The following TBC1D22A variants were observed in gnomAD, a reference collection of about 807,000 sequenced individuals.
TBC1D22A encodes putative GTPase activator.
TBC1D22A carries 38 observed loss-of-function variants against 60.2 expected under a neutral mutation model. The observed-to-expected ratio is 0.63, with a 90% CI of 0.49 to 0.83. TBC1D22A has a LOEUF of 0.83. TBC1D22A is among the 40% of genes least tolerant of loss of function. TBC1D22A has a pLI of 0.00. For synonymous variants in TBC1D22A, 302 were observed against 281.7 expected (o/e 1.07, Z -0.72); for missense variants, 628 against 701.0 (o/e 0.90, Z 1.18).
At chr22:46,956,825 T>C (rs1220443030) in intron 8 of TBC1D22A, among the ~76,000 whole-genome samples, 1 of 152,202 alleles carries the variant, frequency 6.6e-6, no homozygotes, top group Non-Finnish European at 1.5e-5. Flanking sequence ...GATGGAGGCT[T>C]AGATTCTAAA....
intron 1 of TBC1D22A, among the ~76,000 whole-genome samples, chr22:46,765,825 G>C (rs1268302770): frequency 1.3e-5 from 2 of 150,852 alleles, no homozygotes; most frequent in African/African-American, 2.4e-5. Context: ...CTGTAGTCCA[G>C]GCTGGAGTGC....
At chr22:46,869,505 G>A (rs1003719166) in intron 4 of TBC1D22A, among the ~76,000 whole-genome samples, 2 of 152,200 alleles carry the variant, frequency 1.3e-5, no homozygotes, top group African/African-American at 2.4e-5. Context: ...GGGTGGACTC[G>A]GTCTGGGGAG....
chr22:47,154,295 C>T (rs576408941), intron 12 of TBC1D22A, among the ~76,000 whole-genome samples: 97 of 152,228 alleles, frequency 6.4e-4, no homozygotes, highest in Non-Finnish European at 1.1e-3. Flanking sequence ...CCCTGCCACG[C>T]GCTGAGTGAG....
In TBC1D22A at chr22:46,793,823, C is replaced by T; in HGVS notation, c.442C>T (p.His148Tyr). ...LRLVKSVSES[H>Y]TSCPAESASD... The stretch of plus-strand genomic sequence containing the variant: ...GCTGGTGAAGTCGGTCAGTGAGAGC[C>T]ACACGTCCTGTCCTGCAGGTACGAT... Residue 148 changes from histidine (H) to tyrosine (Y), a missense_variant, in exon 3 of 13, where the codon CAC becomes TAC. Physicochemically the swap from His to Tyr is moderately conservative, Grantham distance 83. Transcript: ENST00000337137. 3 of 1,587,382 alleles carry T rather than the reference C, an allele frequency of 1.9e-6. No individual in the cohort carries two copies. Among genetic ancestry groups the T allele is most frequent in the Non-Finnish European group, 1.7e-6 (2 of 1,167,734 alleles).
intron 1 of TBC1D22A, among the ~76,000 whole-genome samples, chr22:46,780,547 G>A (rs1267760435): frequency 1.8e-4 from 28 of 152,216 alleles, no homozygotes; most frequent in Admixed American, 1.8e-3. Flanking sequence ...GATCTGCCAG[G>A]GAGAGCTGCC....
intron 6 of TBC1D22A, among the ~76,000 whole-genome samples, chr22:46,892,791 C>G (rs565006970): frequency 3.3e-5 from 5 of 152,162 alleles, no homozygotes; most frequent in Non-Finnish European, 7.3e-5. Context: ...AAGTTAATTA[C>G]GAACAGGTTG....
rs544716015 is a variant in TBC1D22A, at chr22:47,129,201, G to A, written c.1425+17598G>A. 1.4e-4 allele frequency among the ~76,000 whole-genome samples: 22 copies of A among 152,302 alleles called. No individual in the cohort carries two copies. In the East Asian group the frequency reaches 1.9e-3, roughly 13 times the overall value. On this transcript the variant is annotated intron_variant, in intron 12 of 12. Transcript: ENST00000337137. Reference sequence around the variant, plus strand: ...ATAAAAGTTAAGAGGCTGTTGGCCCGGGCATGGTGGCTCACACCTGTAATC... The same window carrying A: ...ATAAAAGTTAAGAGGCTGTTGGCCCAGGCATGGTGGCTCACACCTGTAATC...
chr22:46,870,695 C>T (rs757947221), intron 4 of TBC1D22A, among the ~76,000 whole-genome samples: 4 of 152,132 alleles, frequency 2.6e-5, no homozygotes, highest in Non-Finnish European at 5.9e-5. Context: ...ATCAAGGTGC[C>T]GGCATCTGGT....
At chr22:47,173,237 C>T (rs1008441929) in intron 12 of TBC1D22A, among the ~76,000 whole-genome samples, 18 of 152,188 alleles carry the variant, frequency 1.2e-4, no homozygotes, top group African/African-American at 2.2e-4. Context: ...GGCCGTGGGG[C>T]GAGGCCTGGG....
intron 8 of TBC1D22A, among the ~76,000 whole-genome samples, chr22:46,933,665 G>A (rs964122986): frequency 2.6e-5 from 4 of 152,230 alleles, no homozygotes; most frequent in African/African-American, 4.8e-5. Flanking sequence ...GGCACTGGCC[G>A]GCAGCCTCTG....
At chr22:46,917,199 T>TA (rs1419395021) in intron 8 of TBC1D22A, among the ~76,000 whole-genome samples, 3 of 152,196 alleles carry the variant, frequency 2.0e-5, no homozygotes, top group African/African-American at 7.2e-5. Context: ...AGGCACGTGC[T>TA]ACTTTGGACT....
At chr22:47,103,934 A>C (rs1017007661) in intron 11 of TBC1D22A, among the ~76,000 whole-genome samples, 2 of 152,146 alleles carry the variant, frequency 1.3e-5, no homozygotes, top group African/African-American at 4.8e-5. Flanking sequence ...GAAATTCAAA[A>C]TATTTTACCC....
chr22:46,792,848 C>T (rs531040918), intron 2 of TBC1D22A: 4 of 1,435,586 alleles, frequency 2.8e-6, no homozygotes, highest in Non-Finnish European at 3.6e-6. Context: ...ATCCTTTAGC[C>T]ATGGGCAGCC....
chr22:46,827,466 G>C (rs1234179385), intron 4 of TBC1D22A, among the ~76,000 whole-genome samples: 2 of 152,196 alleles, frequency 1.3e-5, no homozygotes, highest in Non-Finnish European at 2.9e-5. Context: ...CAGCCACCCA[G>C]AGCCCCTTCG....
intron 8 of TBC1D22A, among the ~76,000 whole-genome samples, chr22:46,967,972 T>A (rs1275847811): frequency 6.6e-6 from 1 of 152,134 alleles, no homozygotes; most frequent in Admixed American, 6.5e-5. Flanking sequence ...ATTCCAGTCC[T>A]CTACTCCAGT....
At chr22:46,830,719 A>G (rs1163247752) in intron 4 of TBC1D22A, among the ~76,000 whole-genome samples, 1 of 152,196 alleles carries the variant, frequency 6.6e-6, no homozygotes. Flanking sequence ...TACTCAGAGC[A>G]CTTGAAGGAT....
chr22:46,997,624 T>G lies in TBC1D22A; in HGVS notation c.1126-10T>G. ...TATGCATATGATTCACATTATTCTT[T>G]TTTCCTTAGGACAACTACACCTTTG... On this transcript the variant is annotated splice_polypyrimidine_tract_variant and intron_variant, in intron 9 of 12. Transcript: ENST00000337137. The G allele has an allele frequency of 1.9e-6, 3 of 1,611,750 alleles. No homozygotes were observed. The highest frequency in any genetic ancestry group is 1.7e-6 in the Non-Finnish European group (2 of 1,178,390).
chr22:47,083,270 A>G (rs1334195276), intron 11 of TBC1D22A, among the ~76,000 whole-genome samples: 2 of 152,066 alleles, frequency 1.3e-5, no homozygotes, highest in African/African-American at 4.8e-5. Flanking sequence ...GTTTGCTTAG[A>G]TCTCTGTGTT....
intron 12 of TBC1D22A, among the ~76,000 whole-genome samples, chr22:47,127,182 G>A (rs949028685): frequency 6.6e-6 from 1 of 151,462 alleles, no homozygotes; most frequent in Non-Finnish European, 1.5e-5. Context: ...TGCCCCATGT[G>A]GAATTGGCAT....
Sources: gnomAD v4.1 joint callset for allele counts (sites outside exome capture counted in the v4.1 genomes callset) on GRCh38, gnomAD v4.1.1 for gene constraint, MANE v1.5 for transcripts, NCBI Gene and HGNC (gene_info 2026-07-23, HGNC 2026-07-21) for gene names.